Variants in CALN1 observed in about 807,000 individuals in gnomAD.
CALN1 encodes calcium-binding protein 8.
In CALN1, 17 loss-of-function variants were observed where a neutral mutation model predicts 30.6. That is an observed-to-expected ratio of 0.56 (90% confidence interval 0.38 to 0.83). CALN1 has a LOEUF of 0.83. CALN1 is among the 40% of genes least tolerant of loss of function. The probability of loss-of-function intolerance (pLI) is 0.00; values close to 1 mark genes in which losing one functional copy is unlikely to be tolerated. For synonymous variants in CALN1, 156 were observed against 131.4 expected, an observed-to-expected ratio of 1.19 and a Z score of -1.28; for missense variants, 291 against 354.9, an observed-to-expected ratio of 0.82 and a Z score of 1.45.
the CALN1 span, among the ~76,000 whole-genome samples, chr7:72,454,151 G>A: frequency 6.6e-6 from 1 of 152,148 alleles, no homozygotes; most frequent in Non-Finnish European, 1.5e-5. Context: ...AGTGTAGGTT[G>A]TTAGGGAATT....
chr7:72,336,070 G>C (rs1056293486), intron 2 of CALN1, among the ~76,000 whole-genome samples: 9 of 152,164 alleles, frequency 5.9e-5, no homozygotes, highest in Non-Finnish European at 8.8e-5. Context: ...GGTCCCAGCC[G>C]GACTGCAGAG....
In CALN1 at chr7:72,054,537, A is replaced by G. The variant is rs545840283; in HGVS notation, c.389-30768T>C. On this transcript the variant is annotated intron_variant, in intron 4 of 6. Transcript: ENST00000395275. ...TATATATACATATATACATACATAT[A>G]TATATACATATATATATATATATAA... Among the ~76,000 whole-genome samples, 3 of 124,242 alleles carry G rather than the reference A, an allele frequency of 2.4e-5. No individual in the cohort carries two copies. The East Asian group carries it at 7.1e-4, about 30-fold the overall frequency. The allele number at this position is 124,242 out of a possible 152,430, so 81.5% of individuals were successfully genotyped here.
chr7:72,150,265 T>A (rs974128266), intron 3 of CALN1, among the ~76,000 whole-genome samples: 5 of 152,178 alleles, frequency 3.3e-5, no homozygotes, highest in Non-Finnish European at 7.3e-5. Flanking sequence ...CCTAAATTAT[T>A]TGAATCAATA....
intron 5 of CALN1, among the ~76,000 whole-genome samples, chr7:71,992,669 T>C (rs973282177): frequency 5.3e-5 from 8 of 152,236 alleles, no homozygotes; most frequent in Non-Finnish European, 1.2e-4. Context: ...AGACCTTAAC[T>C]TTTAACTTGA....
intron 1 of CALN1, among the ~76,000 whole-genome samples, chr7:72,430,636 A>G (rs1441565844): frequency 3.3e-5 from 5 of 152,156 alleles, no homozygotes; most frequent in Non-Finnish European, 7.3e-5. Flanking sequence ...AACCACCTGT[A>G]GGGCGCATGC....
intron 2 of CALN1, among the ~76,000 whole-genome samples, chr7:72,299,436 T>C (rs890085973): frequency 2.6e-5 from 4 of 152,190 alleles, no homozygotes; most frequent in African/African-American, 9.7e-5. Context: ...CATGTAAATA[T>C]TTAACTCATC....
intron 3 of CALN1, among the ~76,000 whole-genome samples, chr7:72,185,783 C>T (rs1284566150): frequency 6.6e-6 from 1 of 152,198 alleles, no homozygotes; most frequent in Non-Finnish European, 1.5e-5. Flanking sequence ...AGGGGTTCTG[C>T]TTTCCCGTCT....
intron 5 of CALN1, among the ~76,000 whole-genome samples, chr7:71,966,443 G>A (rs1797534905): frequency 1.3e-5 from 2 of 152,072 alleles, no homozygotes; most frequent in Admixed American, 6.6e-5. Flanking sequence ...GAATGATTTA[G>A]CATCATCCTT....
intron 3 of CALN1, among the ~76,000 whole-genome samples, chr7:72,140,156 A>C (rs554503560): frequency 6.6e-6 from 1 of 151,996 alleles, no homozygotes; most frequent in East Asian, 1.9e-4. Context: ...TTACAGTCCC[A>C]GCTACTAGGG....
chr7:72,202,486 T>C (rs1046328444), intron 3 of CALN1, among the ~76,000 whole-genome samples: 7 of 152,208 alleles, frequency 4.6e-5, no homozygotes, highest in Admixed American at 4.6e-4. Flanking sequence ...GCAGAATATG[T>C]ATTGAAATGC....
At chr7:71,884,716 C>T (rs1405991495) in intron 5 of CALN1, among the ~76,000 whole-genome samples, 1 of 152,072 alleles carries the variant, frequency 6.6e-6, no homozygotes, top group Non-Finnish European at 1.5e-5. Flanking sequence ...ATTTACTTTC[C>T]AACCCGACTC....
chr7:71,793,857 G>A (rs895874205), intron 6 of CALN1, among the ~76,000 whole-genome samples: 1 of 145,098 alleles, frequency 6.9e-6, no homozygotes, highest in African/African-American at 2.7e-5. Context: ...GAGCAAGACT[G>A]TCTAAAAAAA....
At chr7:72,430,482 A>G (rs1024940042) in intron 1 of CALN1, among the ~76,000 whole-genome samples, 1 of 152,042 alleles carries the variant, frequency 6.6e-6, no homozygotes, top group Non-Finnish European at 1.5e-5. Flanking sequence ...CACCTGCTTT[A>G]AGTGTTTTCT....
chr7:72,161,422 A>T (rs868345496), intron 3 of CALN1, among the ~76,000 whole-genome samples: 7 of 152,208 alleles, frequency 4.6e-5, no homozygotes, highest in Admixed American at 2.0e-4. Context: ...AAATAATGTC[A>T]TAAATCAGTT....
chr7:72,157,513 G>A (rs1024715816), intron 3 of CALN1, among the ~76,000 whole-genome samples: 7 of 152,030 alleles, frequency 4.6e-5, no homozygotes, highest in Admixed American at 1.3e-4. Flanking sequence ...ACTGAAATGT[G>A]CTTCCAGAGA....
the CALN1 span, among the ~76,000 whole-genome samples, chr7:72,496,766 C>A: frequency 6.6e-6 from 1 of 152,064 alleles, no homozygotes; most frequent in Non-Finnish European, 1.5e-5. Flanking sequence ...CTGTAGTCAG[C>A]AACTAGAGAG....
At chr7:72,374,307 TC>T (rs1804414900) in intron 2 of CALN1, among the ~76,000 whole-genome samples, 1 of 152,124 alleles carries the variant, frequency 6.6e-6, no homozygotes, top group Non-Finnish European at 1.5e-5. Flanking sequence ...GGCAGACAGA[TC>T]ACCTGAGGTC....
intron 3 of CALN1, among the ~76,000 whole-genome samples, chr7:72,183,610 T>C (rs1256799229): frequency 6.6e-6 from 1 of 152,242 alleles, no homozygotes; most frequent in Non-Finnish European, 1.5e-5. Context: ...ATTTGCTAAC[T>C]AGCCAAATCA....
intron 5 of CALN1, among the ~76,000 whole-genome samples, chr7:72,013,064 C>A (rs1800176949): frequency 6.6e-6 from 1 of 152,074 alleles, no homozygotes. Context: ...TCCCAAAGCA[C>A]TGGGATTAAA....
Sources: gnomAD v4.1 joint callset for allele counts (sites outside exome capture counted in the v4.1 genomes callset) on GRCh38, gnomAD v4.1.1 for gene constraint, MANE v1.5 for transcripts, NCBI Gene and HGNC (gene_info 2026-07-23, HGNC 2026-07-21) for gene names.